IQCK: variants seen among roughly 807,000 people sequenced by gnomAD.
The protein encoded by IQCK is IQ domain-containing protein K.
In IQCK, 29 loss-of-function variants were observed where a neutral mutation model predicts 28.1. That is an observed-to-expected ratio of 1.03 (90% CI 0.77 to 1.41). The LOEUF (loss-of-function observed/expected upper bound fraction) is 1.41. Among genes scored for constraint, IQCK ranks in the 40% most tolerant of loss-of-function variants. The pLI is 0.00. For synonymous variants in IQCK, 113 were observed against 115.1 expected (o/e 0.98, Z 0.12); for missense variants, 359 against 314.7 (o/e 1.14, Z -1.07).
At chr16:19,816,762 A>G (rs542585952) in intron 7 of IQCK, among the ~76,000 whole-genome samples, 1 of 152,372 alleles carries the variant, frequency 6.6e-6, no homozygotes, top group African/African-American at 2.4e-5. Context: ...CTCAGAGCTG[A>G]ATCCAGATTA....
intron 7 of IQCK, among the ~76,000 whole-genome samples, chr16:19,819,893 C>T (rs567532655): frequency 1.3e-5 from 2 of 150,318 alleles, no homozygotes; most frequent in Non-Finnish European, 3.0e-5. Context: ...AAAAAAAAAA[C>T]ATGCATTGTG....
chr16:19,799,279 A>T (rs1284957475), intron 7 of IQCK, among the ~76,000 whole-genome samples: 1 of 88,024 alleles, frequency 1.1e-5, no homozygotes, highest in Non-Finnish European at 1.9e-5. Context: ...TTATTTTTTA[A>T]ATTTATTTTT....
At chr16:19,852,342 A>C (rs1278678977) in intron 9 of IQCK, among the ~76,000 whole-genome samples, 1 of 152,134 alleles carries the variant, frequency 6.6e-6, no homozygotes, top group African/African-American at 2.4e-5. Flanking sequence ...CAGAGGCTGC[A>C]GGGAGCTATG....
At chr16:19,727,585 ACC>A (rs10609957) in intron 1 of IQCK, among the ~76,000 whole-genome samples, 8,800 of 122,934 alleles carry the variant, frequency 0.072, 887 homozygotes, top group African/African-American at 0.23. Flanking sequence ...AGACTTTGTC[ACC>A]CCCCCCCCCC....
At chr16:19,736,259 A>C (rs1000937062) in intron 4 of IQCK, 1 of 432,488 alleles carries the variant, frequency 2.3e-6, no homozygotes, top group Non-Finnish European at 4.6e-6. Context: ...GGGAAGTTTT[A>C]GTTTAGTATC....
chr16:19,811,706 G>A lies in IQCK; in HGVS notation c.691-15320G>A, dbSNP rs147094206. Among the ~76,000 whole-genome samples the A allele has an allele frequency of 7.9e-4, 120 of 152,264 alleles. 1 individual carries two copies. Among genetic ancestry groups the A allele is most frequent in the Middle Eastern group, 6.8e-3 (2 of 294 alleles). The stretch of plus-strand genomic sequence containing the variant: ...ATTTTGTGGATTTGAAATAATCAAC[G>A]TGCCATTCATGTGAGCAAGAACTGA... On this transcript the variant is annotated intron_variant, in intron 7 of 7. Coordinates refer to ENST00000564186, the Ensembl canonical transcript of IQCK.
rs1977919944 is a variant in IQCK, at chr16:19,733,847, T to A, written c.376+20T>A. Reference sequence around the variant, plus strand: ...AAACATGTGAGTAAGAGAGATGCCATCTTTTATAATTTGGGGCTTTTAACA... The same window carrying A: ...AAACATGTGAGTAAGAGAGATGCCAACTTTTATAATTTGGGGCTTTTAACA... On this transcript the variant is annotated intron_variant, in intron 3 of 7. Coordinates refer to ENST00000564186, the Ensembl canonical transcript of IQCK. The A allele has an allele frequency of 6.2e-7, 1 of 1,613,552 alleles. No homozygotes were observed. Among genetic ancestry groups the A allele is most frequent in the Non-Finnish European group, 8.5e-7 (1 of 1,179,676 alleles).
At chr16:19,823,560 G>A (rs2056103951) in intron 7 of IQCK, among the ~76,000 whole-genome samples, 1 of 152,168 alleles carries the variant, frequency 6.6e-6, no homozygotes, top group African/African-American at 2.4e-5. Flanking sequence ...GGGGCATGTG[G>A]CATGTGACTG....
At chr16:19,782,420 G>A (rs2055499837) in intron 6 of IQCK, among the ~76,000 whole-genome samples, 1 of 151,558 alleles carries the variant, frequency 6.6e-6, no homozygotes, top group Admixed American at 6.6e-5. Flanking sequence ...AAGAGCCTGG[G>A]CACAACCTGG....
intron 6 of IQCK, among the ~76,000 whole-genome samples, chr16:19,780,225 A>C (rs920649394): frequency 6.6e-6 from 1 of 151,838 alleles, no homozygotes; most frequent in Non-Finnish European, 1.5e-5. Context: ...TATTTTTAGT[A>C]GAGATGGGGT....
intron 7 of IQCK, among the ~76,000 whole-genome samples, chr16:19,807,392 A>C (rs2055847589): frequency 6.6e-6 from 1 of 152,238 alleles, no homozygotes; most frequent in Non-Finnish European, 1.5e-5. Context: ...AATGGAGACC[A>C]ATACAATAAC....
intron 9 of IQCK, among the ~76,000 whole-genome samples, chr16:19,855,868 CA>C (rs2056552874): frequency 6.6e-6 from 1 of 152,092 alleles, no homozygotes; most frequent in Non-Finnish European, 1.5e-5. Flanking sequence ...AGGGTCTTTC[CA>C]AAAGGATCCC....
At chr16:19,846,180 C>T (rs2056413661) in intron 9 of IQCK, among the ~76,000 whole-genome samples, 1 of 152,198 alleles carries the variant, frequency 6.6e-6, no homozygotes, top group Non-Finnish European at 1.5e-5. Context: ...TCCTATCCTC[C>T]TTTTATGGAT....
chr16:19,775,866 C>CT lies in IQCK; in HGVS notation c.605+11787dup, dbSNP rs570530152. On this transcript the variant is annotated intron_variant, in intron 6 of 7. Transcript: ENST00000564186. ...CTAGCTGTTCTGTTCTGGGCACAGG[C>CT]TTTTTTTTTTTTTTTTTTTTTTTTT... Among the ~76,000 whole-genome samples the CT allele has an allele frequency of 2.9e-3, 111 of 37,722 alleles. 24 individuals carry two copies. Among genetic ancestry groups the CT allele is most frequent in the Admixed American group, 4.5e-3 (8 of 1,774 alleles). The allele number at this position is 37,722 out of a possible 152,430, so 24.7% of individuals were successfully genotyped here. A position where few individuals can be genotyped will look rare whatever the true frequency, so the allele number is the denominator to read the frequency against.
At chr16:19,747,422 T>A (rs1043328158) in intron 4 of IQCK, among the ~76,000 whole-genome samples, 1 of 152,098 alleles carries the variant, frequency 6.6e-6, no homozygotes, top group Non-Finnish European at 1.5e-5. Context: ...TAGTGTCACT[T>A]TCACACGTTA....
intron 7 of IQCK, among the ~76,000 whole-genome samples, chr16:19,820,925 C>T (rs2056063651): frequency 1.3e-5 from 2 of 152,106 alleles, no homozygotes; most frequent in South Asian, 4.1e-4. Context: ...AGACATTTCT[C>T]CAAGAAGTTA....
intron 6 of IQCK, among the ~76,000 whole-genome samples, chr16:19,769,394 G>T: frequency 6.6e-6 from 1 of 152,226 alleles, no homozygotes. Flanking sequence ...TGAAGATACA[G>T]TGATACAGCT....
At chr16:19,815,016 T>A (rs1490323975) in intron 7 of IQCK, among the ~76,000 whole-genome samples, 1 of 152,152 alleles carries the variant, frequency 6.6e-6, no homozygotes, top group Non-Finnish European at 1.5e-5. Flanking sequence ...CGAATTCCTG[T>A]GCTCAAGTGA....
At chr16:19,750,569 C>A (rs2054972803) in intron 4 of IQCK, among the ~76,000 whole-genome samples, 1 of 151,898 alleles carries the variant, frequency 6.6e-6, no homozygotes, top group South Asian at 2.1e-4. Context: ...TCAAGCAACT[C>A]TCCTATCTCA....
Sources: gnomAD v4.1 joint callset for allele counts (sites outside exome capture counted in the v4.1 genomes callset) on GRCh38, gnomAD v4.1.1 for gene constraint, MANE v1.5 for transcripts, NCBI Gene and HGNC (gene_info 2026-07-23, HGNC 2026-07-21) for gene names.